TAF15: variants seen among roughly 807,000 people sequenced by gnomAD.
TAF15 encodes the protein TATA-binding protein-associated factor 2N.
In TAF15, 37 loss-of-function variants were observed where a neutral mutation model predicts 102.5. The ratio of observed to expected loss-of-function variants is 0.36; its 90% CI spans 0.28 to 0.47. TAF15 has a LOEUF of 0.47. TAF15 is among the 20% of genes least tolerant of loss of function. The probability of loss-of-function intolerance (pLI) is 0.99; values close to 1 mark genes in which losing one functional copy is unlikely to be tolerated. For synonymous variants in TAF15, 273 were observed against 259.2 expected, an observed-to-expected ratio of 1.05 and a Z score of -0.51; for missense variants, 652 against 760.7, an observed-to-expected ratio of 0.86 and a Z score of 1.68.
intron 11 of TAF15, among the ~76,000 whole-genome samples, chr17:35,840,376 C>T (rs757828039): frequency 9.3e-5 from 14 of 150,486 alleles, no homozygotes; most frequent in African/African-American, 2.2e-4. Flanking sequence ...CTCAGCCTCC[C>T]GAGTAGCTGG....
At chr17:35,845,549 C>A (rs1320290847) in intron 15 of TAF15, among the ~76,000 whole-genome samples, 1 of 152,184 alleles carries the variant, frequency 6.6e-6, no homozygotes, top group Admixed American at 6.5e-5. Flanking sequence ...AGCCACAGCA[C>A]CTGCTGGAAA....
At chr17:35,837,336 T>A (rs2143811560) in intron 10 of TAF15, among the ~76,000 whole-genome samples, 1 of 150,786 alleles carries the variant, frequency 6.6e-6, no homozygotes, top group African/African-American at 2.4e-5. Context: ...TTTTTTTTTT[T>A]AGAGATGGAG....
intron 8 of TAF15, 49 bp downstream of exon 8, chr17:35,833,990 C>CT: frequency 6.3e-7 from 1 of 1,595,206 alleles, no homozygotes; most frequent in Non-Finnish European, 8.6e-7. Context: ...CTATATAAAT[C>CT]TAAAAGCCAC....
Sources: allele counts gnomAD v4.1 joint callset (sites outside exome capture counted in the v4.1 genomes callset), GRCh38; gene constraint gnomAD v4.1.1; transcripts MANE v1.5; gene names NCBI Gene and HGNC (gene_info 2026-07-23, HGNC 2026-07-21).